The following MTSS1 variants were observed in gnomAD, a reference collection of about 807,000 sequenced individuals.
MTSS1 encodes protein MTSS 1.
MTSS1 carries 18 observed loss-of-function variants against 79.0 expected under a neutral mutation model. The observed-to-expected ratio is 0.23, with a 90% confidence interval of 0.16 to 0.34. The LOEUF (loss-of-function observed/expected upper bound fraction) is 0.34. Ranked by LOEUF, MTSS1 falls within the 10% of genes least tolerant of loss-of-function variation. MTSS1 has a pLI of 1.00. For synonymous variants in MTSS1, 341 were observed against 368.6 expected (o/e 0.93, Z 0.86); for missense variants, 815 against 986.2 (o/e 0.83, Z 2.33).
intron 10 of MTSS1, among the ~76,000 whole-genome samples, chr8:124,560,650 C>CA (rs996652414): frequency 9.2e-5 from 14 of 151,678 alleles, no homozygotes; most frequent in Admixed American, 5.9e-4. Context: ...GACCCTGTCT[C>CA]AAAAAAAACG....
intron 3 of MTSS1, among the ~76,000 whole-genome samples, chr8:124,601,471 G>A (rs1277527937): frequency 1.3e-5 from 2 of 152,220 alleles, no homozygotes; most frequent in Non-Finnish European, 2.9e-5. Flanking sequence ...GCTCGGGACT[G>A]TGTCATGGGA....
intron 3 of MTSS1, among the ~76,000 whole-genome samples, chr8:124,617,934 C>T (rs1395039448): frequency 6.6e-6 from 1 of 152,174 alleles, no homozygotes; most frequent in African/African-American, 2.4e-5. Context: ...TGGCCTGGCA[C>T]ATTAGCCCTC....
At chr8:124,677,414 C>T (rs557059681) in intron 3 of MTSS1, among the ~76,000 whole-genome samples, 11 of 152,172 alleles carry the variant, frequency 7.2e-5, no homozygotes, top group Non-Finnish European at 1.3e-4. Flanking sequence ...CTCACCTATG[C>T]CACTGTAGCA....
chr8:124,695,592 G>A (rs140086889), intron 3 of MTSS1, among the ~76,000 whole-genome samples: 1 of 152,316 alleles, frequency 6.6e-6, no homozygotes, highest in African/African-American at 2.4e-5. Flanking sequence ...ATTAATTGCA[G>A]CAGAGCTTGT....
At chr8:124,682,853 A>C (rs138541814) in intron 3 of MTSS1, among the ~76,000 whole-genome samples, 276 of 152,368 alleles carry the variant, frequency 1.8e-3, no homozygotes, top group African/African-American at 6.3e-3. Flanking sequence ...AATTTATACT[A>C]AACATCAAAG....
At position 124,635,882 on chromosome 8, in the gene MTSS1, C is replaced by T. The variant is rs1364455354; in HGVS notation, c.209-44647G>A. Among the ~76,000 whole-genome samples the T allele has an allele frequency of 2.6e-5, 4 of 151,948 alleles. No homozygotes were observed. In the East Asian group the frequency reaches 5.8e-4, roughly 22 times the overall value. On this transcript the variant is annotated intron_variant, in intron 3 of 13. Transcript: ENST00000518547. Reference sequence around the variant, plus strand: ...ACAAAACAACAAGAAAGCCTACCTGCCTCAATATTCTCATTTAGGCCAAAT... The same window carrying T: ...ACAAAACAACAAGAAAGCCTACCTGTCTCAATATTCTCATTTAGGCCAAAT...
chr8:124,671,081 A>G (rs1824099164), intron 3 of MTSS1, among the ~76,000 whole-genome samples: 1 of 151,796 alleles, frequency 6.6e-6, no homozygotes. Flanking sequence ...TTGCATGCCA[A>G]TGCCAATAAG....
intron 3 of MTSS1, among the ~76,000 whole-genome samples, chr8:124,643,441 T>C (rs540086267): frequency 1.3e-5 from 2 of 152,156 alleles, no homozygotes; most frequent in Admixed American, 6.5e-5. Context: ...CTCATGCCTG[T>C]AATCCCAGCA....
intron 3 of MTSS1, among the ~76,000 whole-genome samples, chr8:124,618,362 A>G (rs1468535463): frequency 1.3e-5 from 2 of 152,212 alleles, no homozygotes; most frequent in Non-Finnish European, 2.9e-5. Flanking sequence ...GTTTCACAAC[A>G]TTTCTGGCCT....
intron 9 of MTSS1, among the ~76,000 whole-genome samples, chr8:124,564,977 A>G (rs982776604): frequency 2.6e-5 from 4 of 152,256 alleles, no homozygotes; most frequent in African/African-American, 9.6e-5. Context: ...CAGGACTACT[A>G]TACCAAGAGA....
At chr8:124,562,710 T>G in intron 10 of MTSS1, 72 bp downstream of exon 10, 2 of 1,455,994 alleles carry the variant, frequency 1.4e-6, no homozygotes, top group Non-Finnish European at 1.9e-6. Context: ...AGGTGCTTCT[T>G]TGGTTCTGGC....
chr8:124,680,730 G>A (rs1341347981), intron 3 of MTSS1, among the ~76,000 whole-genome samples: 1 of 152,198 alleles, frequency 6.6e-6, no homozygotes, highest in Middle Eastern at 3.2e-3. Context: ...CCTATTACAT[G>A]TGTCAGAGAA....
intron 3 of MTSS1, among the ~76,000 whole-genome samples, chr8:124,685,267 T>C (rs1248779986): frequency 6.6e-6 from 1 of 152,240 alleles, no homozygotes; most frequent in Non-Finnish European, 1.5e-5. Flanking sequence ...ATGTCCAAAC[T>C]GTCACTAAAC....
chr8:124,702,996 T>C (rs944592122), intron 2 of MTSS1, among the ~76,000 whole-genome samples: 11 of 152,220 alleles, frequency 7.2e-5, no homozygotes, highest in Middle Eastern at 3.2e-3. Flanking sequence ...AGCTCAGCAC[T>C]GGATCTTGTT....
At position 124,553,226 on chromosome 8, in the gene MTSS1, C is replaced by T. The variant is rs757412024; in HGVS notation, c.2034G>A (p.Pro678=). Residue 678 remains proline, a synonymous_variant, in exon 14 of 14, where the codon CCG becomes CCA. Coordinates refer to ENST00000518547, the MANE Select transcript of MTSS1 (RefSeq NM_014751.6). The surrounding 1 kb of genome is among the most constrained non-coding windows in gnomAD (Gnocchi z 6.0). ...QASVNPPLPG[P]KPSIPEEHRQ... is the part of the protein sequence containing the mutation. Reference sequence around the variant, plus strand: ...TGTGCTCCTCAGGGATACTGGGCTTCGGGCCTGGAAGTGGAGGGTTAACGG... The same window carrying T: ...TGTGCTCCTCAGGGATACTGGGCTTTGGGCCTGGAAGTGGAGGGTTAACGG... The T allele has an allele frequency of 5.0e-6, 8 of 1,613,964 alleles. No individual in the cohort carries two copies. In the Middle Eastern group the frequency reaches 6.6e-4, roughly 133 times the overall value.
rs190160455 is a variant in MTSS1, at chr8:124,630,396, G to A, written c.209-39161C>T. Among the ~76,000 whole-genome samples the A allele has an allele frequency of 1.1e-3, 169 of 152,310 alleles. 1 individual carries two copies. Among genetic ancestry groups the A allele is most frequent in the African/African-American group, 3.7e-3 (155 of 41,564 alleles). ...GTGGGGTGGGAGCAGGAACAGAGGG[G>A]AGGACCTGAAAGAGGAGGTGGAGAA... On this transcript the variant is annotated intron_variant, in intron 3 of 13. Transcript: ENST00000518547.
intron 3 of MTSS1, among the ~76,000 whole-genome samples, chr8:124,665,072 T>C (rs1158875910): frequency 6.6e-6 from 1 of 152,194 alleles, no homozygotes; most frequent in Non-Finnish European, 1.5e-5. Flanking sequence ...ATCTTATTCA[T>C]ATGAACACTA....
chr8:124,698,936 AT>A (rs1829302456), intron 3 of MTSS1, among the ~76,000 whole-genome samples: 1 of 152,114 alleles, frequency 6.6e-6, no homozygotes, highest in African/African-American at 2.4e-5. Context: ...AAGCCATTAA[AT>A]TTTTTTCATT....
chr8:124,598,365 C>G (rs1833129664), intron 3 of MTSS1, among the ~76,000 whole-genome samples: 1 of 152,184 alleles, frequency 6.6e-6, no homozygotes, highest in Non-Finnish European at 1.5e-5. Flanking sequence ...TGCAGCCTCC[C>G]TGGCCTCTAC....
Sources: allele counts gnomAD v4.1 joint callset (sites outside exome capture counted in the v4.1 genomes callset), GRCh38; gene constraint gnomAD v4.1.1; non-coding constraint Gnocchi (gnomAD v3.1); transcripts MANE v1.5; gene names NCBI Gene and HGNC (gene_info 2026-07-23, HGNC 2026-07-21).